The following COL5A1 variants were observed in gnomAD, a reference collection of about 807,000 sequenced individuals.
The protein encoded by COL5A1 is collagen alpha-1(V) chain.
COL5A1 carries 16 observed loss-of-function variants against 263.7 expected under a neutral mutation model. That is an observed-to-expected ratio of 0.06 (90% CI 0.04 to 0.09). The LOEUF (loss-of-function observed/expected upper bound fraction) is 0.09, where lower values mean the gene tolerates loss of function less well. Among genes scored for constraint, COL5A1 ranks in the 10% least tolerant of loss-of-function variants. The pLI, the probability that COL5A1 is intolerant of heterozygous loss-of-function variation, is 1.00. For missense variants in COL5A1, 2,036 were observed against 2,540.5 expected, an observed-to-expected ratio of 0.80 and a Z score of 4.27; for synonymous variants, 1,012 against 1,004.5, an observed-to-expected ratio of 1.01 and a Z score of -0.14.
chr9:134,816,735 C>G (rs761980042), intron 52 of COL5A1, among the ~76,000 whole-genome samples: 85 of 152,360 alleles, frequency 5.6e-4, no homozygotes, highest in Non-Finnish European at 1.1e-3. Context: ...TCGTCCCTGC[C>G]CAGGTTGTGG....
At position 134,841,852 on chromosome 9, in the gene COL5A1, C is replaced by T. The variant is rs1830110449; in HGVS notation, c.5371-305C>T. 6.6e-6 allele frequency among the ~76,000 whole-genome samples: 1 copy of T among 152,078 alleles called. No homozygotes were observed. The highest frequency in any genetic ancestry group is 2.4e-5 in the African/African-American group (1 of 41,396). On this transcript the variant is annotated intron_variant, in intron 65 of 65. Coordinates refer to ENST00000371817, the MANE Select transcript of COL5A1 (RefSeq NM_000093.5). The surrounding 1 kb of genome is among the most constrained non-coding windows in gnomAD (Gnocchi z 4.8). ...GACTGGGCACGGTGGGAAGGCTGAT[C>T]AGCTTCAATCCTGTGTGTGCCTCAG... is the stretch of plus-strand genomic sequence containing the variant.
In COL5A1 at chr9:134,817,041, A is replaced by T. The variant is rs1471647710; in HGVS notation, c.4138A>T (p.Thr1380Ser). The T allele has an allele frequency of 6.2e-7, 1 of 1,613,916 alleles. No homozygotes were observed. Among genetic ancestry groups the T allele is most frequent in the Non-Finnish European group, 8.5e-7 (1 of 1,179,868 alleles). Residue 1380 changes from threonine (T) to serine (S), a missense_variant, in exon 53 of 66, where the codon ACT (threonine) becomes TCT (serine). Around this residue, in one of 3 missense-constraint regions of COL5A1, gnomAD observed 1,078 missense variants for 1,521.4 expected, o/e 0.71. Coordinates refer to ENST00000371817, the MANE Select transcript of COL5A1 (RefSeq NM_000093.5). Reference sequence around the variant, plus strand: ...CCAATACCAGGGATCCCCCGGCCCTACTGGTGAACCAGGTCCATCGGGGCC... The same window carrying T: ...CCAATACCAGGGATCCCCCGGCCCTTCTGGTGAACCAGGTCCATCGGGGCC... ...EPGQTGSPGPTGEPGPSGPPG... is the reference protein window; with the variant it reads ...EPGQTGSPGPSGEPGPSGPPG...
intron 24 of COL5A1, among the ~76,000 whole-genome samples, chr9:134,767,603 C>G: frequency 6.6e-6 from 1 of 152,196 alleles, no homozygotes; most frequent in East Asian, 1.9e-4. Context: ...CTGGATTTAG[C>G]AAGGAACAAA....
At chr9:134,801,098 T>C (rs1838095594) in intron 37 of COL5A1, among the ~76,000 whole-genome samples, 1 of 152,200 alleles carries the variant, frequency 6.6e-6, no homozygotes, top group Admixed American at 6.5e-5. Flanking sequence ...AGTACAGAAG[T>C]CGTGGCGACA....
At chr9:134,644,065 T>G (rs1831389701) in intron 1 of COL5A1, among the ~76,000 whole-genome samples, 5 of 152,082 alleles carry the variant, frequency 3.3e-5, no homozygotes, top group Admixed American at 3.3e-4. Context: ...GAACAGACTT[T>G]TAGAAGCATG....
chr9:134,811,878 C>G (rs1226402878), intron 46 of COL5A1, among the ~76,000 whole-genome samples: 2 of 152,220 alleles, frequency 1.3e-5, no homozygotes, highest in African/African-American at 4.8e-5. Flanking sequence ...AAATGCACCT[C>G]CTAGAGATGA....
At chr9:134,699,080 C>G (rs1163444149) in intron 2 of COL5A1, among the ~76,000 whole-genome samples, 1 of 152,220 alleles carries the variant, frequency 6.6e-6, no homozygotes, top group African/African-American at 2.4e-5. Flanking sequence ...CTTGGCAGAA[C>G]TGCAGGTGGC....
chr9:134,756,690 A>C, intron 16 of COL5A1, 75 bp from the exon 17 acceptor site: 1 of 1,506,268 alleles, frequency 6.6e-7, no homozygotes, highest in Non-Finnish European at 9.2e-7. Flanking sequence ...ACTTGGTTTA[A>C]CGGAAAACCA....
At chr9:134,764,313 A>G (rs1836579288) in intron 20 of COL5A1, among the ~76,000 whole-genome samples, 1 of 61,472 alleles carries the variant, frequency 1.6e-5, no homozygotes, top group South Asian at 7.9e-4. Flanking sequence ...TGAGGTCATT[A>G]TAGGGGGTCA....
chr9:134,835,272 CG>C lies in COL5A1; in HGVS notation c.5370+71del, dbSNP rs1393234542. The stretch of plus-strand genomic sequence containing the variant: ...CGTGGGGCTCGCTCCTCACTCAGCA[CG>C]GGTTTACCTGTCCCCAAGATGCCTG... On this transcript the variant is annotated intron_variant, in intron 65 of 65. Transcript: ENST00000371817. The C allele has an allele frequency of 1.1e-5, 16 of 1,400,622 alleles. No individual in the cohort carries two copies. In the East Asian group the frequency reaches 3.1e-4, roughly 27 times the overall value. 86.8% of individuals were successfully genotyped at this position (1,400,622 alleles called of 1,614,324 possible).
At position 134,815,610 on chromosome 9, in the gene COL5A1, C is replaced by A. The variant is rs1255890421; in HGVS notation, c.4049C>A (p.Pro1350His). Residue 1350 changes from proline (P) to histidine (H), a missense_variant, in exon 51 of 66, where the codon CCC becomes CAC. Physicochemically the swap from Pro to His is moderately conservative, Grantham distance 77 (BLOSUM62 -2). This residue lies in a region of COL5A1 where 1,078 missense variants were observed against 1,521.4 expected (regional missense o/e 0.71). Transcript: ENST00000371817. ...GGTTTTCCTGGAGATCCTGGCCCCC[C>A]CGGAGAGCCTGGCCCCGCGGTAGGT... is the stretch of plus-strand genomic sequence containing the variant. Reference protein sequence around the residue: ...PVGFPGDPGPPGEPGPAGQDG... With the variant: ...PVGFPGDPGPHGEPGPAGQDG... 1 of 1,613,826 alleles carries A rather than the reference C, an allele frequency of 6.2e-7. No homozygotes were observed. The highest frequency in any genetic ancestry group is 2.2e-5 in the East Asian group (1 of 44,874).
At chr9:134,730,670 G>C (rs764992909) in intron 7 of COL5A1, among the ~76,000 whole-genome samples, 195 bp downstream of exon 7, 25 of 152,236 alleles carry the variant, frequency 1.6e-4, no homozygotes, top group Non-Finnish European at 3.5e-4. Context: ...GGCCATTGCT[G>C]AACAAGTTTG....
chr9:134,787,593 G>T (rs1239220161), intron 31 of COL5A1, among the ~76,000 whole-genome samples: 3 of 152,210 alleles, frequency 2.0e-5, no homozygotes, highest in Non-Finnish European at 4.4e-5. Context: ...CCAGGTCAGA[G>T]TCCCTAAATC....
rs183611427 is a variant in COL5A1 at position 134,755,119 on chromosome 9, G to A, written c.1827+793G>A. Among the ~76,000 whole-genome samples, 533 of 152,300 alleles carry A rather than the reference G, an allele frequency of 3.5e-3. 4 individuals carry two copies. Among genetic ancestry groups the A allele is most frequent in the African/African-American group, 9.0e-3 (373 of 41,554 alleles). ...GTGGGTAGAAATGACCCGATAAGCC[G>A]CAGTTTGGCAGGTCCGAGGGTCTAT... is the stretch of plus-strand genomic sequence containing the variant. On this transcript the variant is annotated intron_variant, in intron 16 of 65. Coordinates refer to ENST00000371817, the MANE Select transcript of COL5A1 (RefSeq NM_000093.5). This position sits in a 1 kb window ranked among gnomAD's most constrained non-coding sequence, Gnocchi z 4.1.
At chr9:134,747,991 A>ACACACACATGCATT (rs1554791456) in intron 11 of COL5A1, among the ~76,000 whole-genome samples, 19 of 151,562 alleles carry the variant, frequency 1.3e-4, no homozygotes, top group African/African-American at 3.6e-4. Context: ...ACATGCATTC[A>ACACACACATGCATT]CACACACATA....
At position 134,678,017 on chromosome 9, in the gene COL5A1, G is replaced by A. The variant is rs759474773; in HGVS notation, c.110-12895G>A. On this transcript the variant is annotated intron_variant, in intron 1 of 65. Coordinates refer to ENST00000371817, the MANE Select transcript of COL5A1 (RefSeq NM_000093.5). The surrounding 1 kb of genome is among the most constrained non-coding windows in gnomAD (Gnocchi z 5.5). The stretch of plus-strand genomic sequence containing the variant: ...TGAACATCCTGTGAAGAACAATTCC[G>A]CTCTTCCTCGGATTGAGCCTCGCTC... Among the ~76,000 whole-genome samples the A allele has an allele frequency of 6.6e-6, 1 of 152,182 alleles. No homozygotes were observed. Among genetic ancestry groups the A allele is most frequent in the Non-Finnish European group, 1.5e-5 (1 of 68,036 alleles).
rs1403779999 is a variant in COL5A1, at chr9:134,789,014, AGGTGGGTGGTTG to A, written c.2647-131_2647-120del. 3 of 624,848 alleles carry A rather than the reference AGGTGGGTGGTTG, an allele frequency of 4.8e-6. No homozygotes were observed. The highest frequency in any genetic ancestry group is 2.9e-5 in the East Asian group (1 of 34,420). 38.7% of individuals were successfully genotyped at this position (624,848 alleles called of 1,614,324 possible). ...TAGGTGAGAAGGTAGGTAGACAGGTAGGTGGGTGGTTGGGTGGGTGGGCAGGTGGAGTCTGGG... is the reference window on the plus strand; with the variant it reads ...TAGGTGAGAAGGTAGGTAGACAGGTAGGTGGGTGGGCAGGTGGAGTCTGGG... On this transcript the variant is annotated intron_variant, in intron 31 of 65. Coordinates refer to ENST00000371817, the MANE Select transcript of COL5A1 (RefSeq NM_000093.5). This position sits in a 1 kb window ranked among gnomAD's most constrained non-coding sequence, Gnocchi z 4.8.
chr9:134,722,034 G>A (rs1834482384), intron 4 of COL5A1, among the ~76,000 whole-genome samples: 1 of 152,252 alleles, frequency 6.6e-6, no homozygotes, highest in Non-Finnish European at 1.5e-5. Context: ...CTTCTCCACG[G>A]GGGTGGTGTA....
chr9:134,796,831 C>T lies in COL5A1; in HGVS notation c.2845-17C>T. 1.1e-5 allele frequency: 18 copies of T among 1,613,846 alleles called. No homozygotes were observed. Among genetic ancestry groups the T allele is most frequent in the Admixed American group, 1.7e-5 (1 of 60,030 alleles). ...GAGAGACCTCTTGTCCTCAAACTGG[C>T]CTTTCTCTGTTCCCAGGGACCCAAT... On this transcript the variant is annotated splice_polypyrimidine_tract_variant and intron_variant, in intron 35 of 65. Transcript: ENST00000371817.
Sources: gnomAD v4.1 joint callset for allele counts (sites outside exome capture counted in the v4.1 genomes callset) on GRCh38, gnomAD v4.1.1 for gene constraint, gnomAD v4.1.1 regional missense constraint, Gnocchi (gnomAD v3.1) non-coding constraint, MANE v1.5 for transcripts, NCBI Gene and HGNC (gene_info 2026-07-23, HGNC 2026-07-21) for gene names.